FAP: variants seen among roughly 807,000 people sequenced by gnomAD.
The protein encoded by FAP is fibroblast activation protein alpha.
A neutral mutation model predicts 126.5 loss-of-function variants in FAP; 110 were observed. The observed-to-expected ratio is 0.87, with a 90% confidence interval of 0.74 to 1.02. FAP has a LOEUF of 1.02. FAP is among the 50% of genes least tolerant of loss of function. The pLI is 0.00. For synonymous variants in FAP, 334 were observed against 297.3 expected (o/e 1.12, Z -1.27); for missense variants, 919 against 909.2 (o/e 1.01, Z -0.14).
At chr2:162,171,852 G>T (rs1254472475) in intron 25 of FAP, 2 of 152,018 alleles carry the variant, frequency 1.3e-5, no homozygotes, top group African/African-American at 4.8e-5. Flanking sequence ...AATACAATGT[G>T]TAATGATCAA....
At chr2:162,218,505 C>T (rs1689246480) in intron 8 of FAP, among the ~76,000 whole-genome samples, 7 of 151,566 alleles carry the variant, frequency 4.6e-5, no homozygotes. Flanking sequence ...GTGACATAAA[C>T]ATTGAAAGTT....
At chr2:162,209,786 T>C (rs1287037142) in intron 12 of FAP, 166 bp downstream of exon 12, 1 of 584,860 alleles carries the variant, frequency 1.7e-6, no homozygotes, top group Non-Finnish European at 3.0e-6. Flanking sequence ...ATTGAAATTG[T>C]CCGGCACAAA....
chr2:162,199,993 A>C (rs1463540139), intron 15 of FAP, among the ~76,000 whole-genome samples: 1 of 152,204 alleles, frequency 6.6e-6, no homozygotes, highest in Non-Finnish European at 1.5e-5. Context: ...TGTTGGAATT[A>C]AATGAAATTA....
chr2:162,205,606 C>T (rs1010851222), intron 12 of FAP, among the ~76,000 whole-genome samples: 8 of 152,052 alleles, frequency 5.3e-5, no homozygotes, highest in Non-Finnish European at 8.8e-5. Context: ...CTCTGTCGCC[C>T]GGGCACAAGT....
intron 2 of FAP, among the ~76,000 whole-genome samples, chr2:162,228,260 G>A (rs533550445): frequency 6.6e-6 from 1 of 152,068 alleles, no homozygotes; most frequent in Non-Finnish European, 1.5e-5. Context: ...TAGATCTCTG[G>A]TGCCTAGGCT....
chr2:162,235,557 T>G (rs1576201310), intron 2 of FAP, among the ~76,000 whole-genome samples: 1 of 152,202 alleles, frequency 6.6e-6, no homozygotes, highest in African/African-American at 2.4e-5. Context: ...GGAGAACTTT[T>G]GTGTCTGGCT....
chr2:162,188,001 C>CT (rs1051867503), intron 20 of FAP, among the ~76,000 whole-genome samples, 168 bp downstream of exon 20: 17 of 151,932 alleles, frequency 1.1e-4, no homozygotes, highest in Non-Finnish European at 1.6e-4. Context: ...TCCATAAATA[C>CT]TTTTTTTTCA....
chr2:162,199,877 G>C (rs181936112), intron 15 of FAP, among the ~76,000 whole-genome samples: 503 of 152,294 alleles, frequency 3.3e-3, no homozygotes, highest in African/African-American at 0.012. Flanking sequence ...TCCCTATTCG[G>C]GTGGAACTTT....
chr2:162,179,810 A>ATTTTTTTTTTTTTTTTTTTTTTTTTTTTT (rs1186933075), intron 21 of FAP, among the ~76,000 whole-genome samples: 2 of 107,126 alleles, frequency 1.9e-5, no homozygotes, highest in African/African-American at 6.0e-5. Context: ...ATATATATAT[A>ATTTTTTTTTTTTTTTTTTTTTTTTTTTTT]TATTTTTTTT....
rs1289800528 is a variant in FAP, at chr2:162,209,935, A to G, written c.1047+17T>C. ...CAAGTTTCATTAAAACATAAGAAAA[A>G]GATAGCAAAATCATACTCCACCAGC... On this transcript the variant is annotated intron_variant, in intron 12 of 25. Coordinates refer to ENST00000188790, the MANE Select transcript of FAP (RefSeq NM_004460.5). 1.9e-6 allele frequency: 3 copies of G among 1,610,374 alleles called. No homozygotes were observed. Among genetic ancestry groups the G allele is most frequent in the East Asian group, 4.5e-5 (2 of 44,806 alleles).
chr2:162,182,798 C>T (rs182149061), intron 21 of FAP, among the ~76,000 whole-genome samples: 7 of 152,288 alleles, frequency 4.6e-5, no homozygotes, highest in African/African-American at 9.6e-5. Context: ...TGCCCATAAA[C>T]GATAAGTTTT....
chr2:162,185,601 T>G (rs557402792), intron 20 of FAP, among the ~76,000 whole-genome samples: 12 of 152,300 alleles, frequency 7.9e-5, no homozygotes, highest in Admixed American at 7.9e-4. Context: ...ACGATATGAC[T>G]TCTTTTTTTC....
intron 21 of FAP, among the ~76,000 whole-genome samples, chr2:162,179,807 TATA>T (rs1230539320): frequency 0.012 from 1,706 of 140,048 alleles, 32 homozygotes; most frequent in Non-Finnish European, 0.019. Context: ...TATATATATA[TATA>T]TATTTTTTTT....
chr2:162,241,049 G>A (rs1475404726), intron 2 of FAP, among the ~76,000 whole-genome samples: 1 of 152,182 alleles, frequency 6.6e-6, no homozygotes, highest in Non-Finnish European at 1.5e-5. Context: ...TTCACAAGCT[G>A]TTTAGCTGAC....
chr2:162,239,018 A>C (rs1232966697), intron 2 of FAP, among the ~76,000 whole-genome samples: 1 of 152,178 alleles, frequency 6.6e-6, no homozygotes, highest in African/African-American at 2.4e-5. Context: ...ATATATGTGT[A>C]TGTATGTAGA....
intron 17 of FAP, among the ~76,000 whole-genome samples, chr2:162,194,433 T>A (rs1688164505): frequency 6.6e-6 from 1 of 152,154 alleles, no homozygotes; most frequent in African/African-American, 2.4e-5. Flanking sequence ...TTTATAAGGC[T>A]GATTGGAGAA....
chr2:162,213,980 T>C lies in FAP; in HGVS notation c.960A>G (p.Ile320Met). 1 of 1,614,084 alleles carries C rather than the reference T, an allele frequency of 6.2e-7. No individual in the cohort carries two copies. Residue 320 changes from isoleucine to methionine, a missense_variant, in exon 11 of 26, where the codon ATA becomes ATG. Physicochemically the swap from Ile to Met is conservative, Grantham distance 10 (BLOSUM62 1). Coordinates refer to ENST00000188790, the MANE Select transcript of FAP (RefSeq NM_004460.5). ...TCTGCCAGTCTTCCCTGAAGTCACA[T>C]ATAGACAGGACCGAAACATTCTGGA... ...KRVQNVSVLS[I>M]CDFREDWQTW...
At chr2:162,214,602 G>A (rs950366233) in intron 10 of FAP, among the ~76,000 whole-genome samples, 2 of 150,118 alleles carry the variant, frequency 1.3e-5, no homozygotes, top group Non-Finnish European at 3.0e-5. Context: ...ATAATGTTTG[G>A]CACATACTAG....
intron 2 of FAP, among the ~76,000 whole-genome samples, chr2:162,230,097 G>A (rs1035667030): frequency 8.5e-5 from 13 of 152,130 alleles, no homozygotes; most frequent in Non-Finnish European, 1.9e-4. Flanking sequence ...GGCTTAGAAA[G>A]TGTAATTATG....
Sources: allele counts gnomAD v4.1 joint callset (sites outside exome capture counted in the v4.1 genomes callset), GRCh38; gene constraint gnomAD v4.1.1; transcripts MANE v1.5; gene names NCBI Gene and HGNC (gene_info 2026-07-23, HGNC 2026-07-21).